RNLS: variants seen among roughly 807,000 people sequenced by gnomAD.
RNLS encodes the protein renalase.
A neutral mutation model predicts 39.8 loss-of-function variants in RNLS; 39 were observed. That is an observed-to-expected ratio of 0.98 (90% CI 0.76 to 1.28). The LOEUF is 1.28. Among genes scored for constraint, RNLS ranks in the 50% most tolerant of loss-of-function variants. The pLI is 0.00. For synonymous variants in RNLS, 147 were observed against 150.7 expected, an observed-to-expected ratio of 0.98 and a Z score of 0.18; for missense variants, 410 against 413.3, an observed-to-expected ratio of 0.99 and a Z score of 0.07.
chr10:88,478,836 C>CT (rs954550024), intron 4 of RNLS, among the ~76,000 whole-genome samples: 1 of 152,178 alleles, frequency 6.6e-6, no homozygotes, highest in Non-Finnish European at 1.5e-5. Context: ...ACTAATTTAC[C>CT]TTTTTTTCTT....
intron 4 of RNLS, among the ~76,000 whole-genome samples, chr10:88,409,421 A>G (rs1353707968): frequency 1.3e-5 from 2 of 152,144 alleles, no homozygotes; most frequent in Non-Finnish European, 2.9e-5. Flanking sequence ...GAGCTATCAC[A>G]TATATGAATC....
At chr10:88,368,017 T>C (rs1850258604) in intron 4 of RNLS, among the ~76,000 whole-genome samples, 1 of 152,108 alleles carries the variant, frequency 6.6e-6, no homozygotes, top group South Asian at 2.1e-4. Flanking sequence ...ACTTATTTTT[T>C]TCATTTATAG....
Position 88,499,574 on chromosome 10 carries a change from G to A in RNLS, c.526+73329C>T, listed in dbSNP as rs988602341. Among the ~76,000 whole-genome samples the A allele has an allele frequency of 2.6e-5, 4 of 152,208 alleles. No homozygotes were observed. The East Asian group carries it at 5.8e-4, about 22-fold the overall frequency. The stretch of plus-strand genomic sequence containing the variant: ...GCAGGGGTGGGGTGAGGCACAGGAT[G>A]CATTCTCCCCCTCTCACCTCCCCTG... On this transcript the variant is annotated intron_variant, in intron 4 of 6. Coordinates refer to ENST00000331772, the MANE Select transcript of RNLS (RefSeq NM_001031709.3).
intron 4 of RNLS, among the ~76,000 whole-genome samples, chr10:88,502,508 T>C (rs997262667): frequency 2.0e-5 from 3 of 152,148 alleles, no homozygotes; most frequent in Non-Finnish European, 4.4e-5. Flanking sequence ...CTTTCCACCT[T>C]GAGTGGAAGT....
rs139104603 is a variant in RNLS, at chr10:88,349,812, C to T, written c.700+12740G>A. 2.7e-3 allele frequency among the ~76,000 whole-genome samples: 408 copies of T among 151,934 alleles called. 2 individuals are homozygous for T. Among genetic ancestry groups the T allele is most frequent in the African/African-American group, 9.4e-3 (388 of 41,454 alleles). On this transcript the variant is annotated intron_variant, in intron 5 of 6. Coordinates refer to ENST00000331772, the MANE Select transcript of RNLS (RefSeq NM_001031709.3). The stretch of plus-strand genomic sequence containing the variant: ...CCACCCCAAGATCTGATATTACTAT[C>T]ACATGATATTCTATGACAACACTAA...
the RNLS span, among the ~76,000 whole-genome samples, chr10:88,268,427 C>G: frequency 2.0e-5 from 3 of 152,174 alleles, no homozygotes; most frequent in Non-Finnish European, 4.4e-5. Flanking sequence ...CAGACAATTC[C>G]CAATGATTAG....
At chr10:88,319,111 T>C (rs569640301) in intron 5 of RNLS, among the ~76,000 whole-genome samples, 15 of 152,122 alleles carry the variant, frequency 9.9e-5, no homozygotes, top group East Asian at 1.9e-4. Context: ...ATGTCAAATA[T>C]ATTGCTACAA....
the RNLS span, among the ~76,000 whole-genome samples, chr10:88,262,832 C>T: frequency 2.8e-4 from 43 of 152,200 alleles, no homozygotes; most frequent in African/African-American, 7.9e-4. Flanking sequence ...GTATGTGACT[C>T]GCGGGACATC....
chr10:88,327,119 T>A (rs1189219717), intron 5 of RNLS, among the ~76,000 whole-genome samples: 1 of 152,198 alleles, frequency 6.6e-6, no homozygotes, highest in African/African-American at 2.4e-5. Context: ...ACTTGCCTTT[T>A]CTCAGATGAA....
At chr10:88,173,079 C>T in the RNLS span, among the ~76,000 whole-genome samples, 5 of 151,608 alleles carry the variant, frequency 3.3e-5, no homozygotes, top group East Asian at 1.9e-4. Context: ...AGGGTGGTCT[C>T]GATCTCCTGA....
chr10:88,545,914 A>G (rs571155223), intron 4 of RNLS, among the ~76,000 whole-genome samples: 14 of 152,316 alleles, frequency 9.2e-5, no homozygotes, highest in African/African-American at 3.1e-4. Context: ...TATCAATAGC[A>G]CTAATGAATG....
chr10:88,428,919 T>A (rs1443787239), intron 4 of RNLS, among the ~76,000 whole-genome samples: 2 of 151,948 alleles, frequency 1.3e-5, no homozygotes, highest in Non-Finnish European at 2.9e-5. Context: ...GGGCAGTTGG[T>A]TGTGCATTTT....
the RNLS span, among the ~76,000 whole-genome samples, chr10:88,194,293 C>T: frequency 2.0e-5 from 3 of 152,128 alleles, no homozygotes; most frequent in African/African-American, 4.8e-5. Flanking sequence ...CCTCACTGTC[C>T]CCCCTCATGC....
At chr10:88,461,622 C>T (rs1842937335) in intron 4 of RNLS, among the ~76,000 whole-genome samples, 1 of 152,094 alleles carries the variant, frequency 6.6e-6, no homozygotes, top group African/African-American at 2.4e-5. Flanking sequence ...CAACCACATC[C>T]AGCTGTTGGT....
chr10:88,525,547 G>A (rs1314822858), intron 4 of RNLS, among the ~76,000 whole-genome samples: 1 of 152,052 alleles, frequency 6.6e-6, no homozygotes, highest in Non-Finnish European at 1.5e-5. Context: ...CCCTGCGTAT[G>A]TAGTAGTGCA....
At chr10:88,359,561 C>T (rs1162107244) in intron 5 of RNLS, among the ~76,000 whole-genome samples, 2 of 152,192 alleles carry the variant, frequency 1.3e-5, no homozygotes, top group East Asian at 1.9e-4. Context: ...ATTAATTTCC[C>T]ATACAGTTGT....
exon 7 of RNLS, chr10:88,274,431 A>G (rs1229159184): frequency 6.5e-6 from 1 of 152,792 alleles, no homozygotes; most frequent in Non-Finnish European, 1.5e-5. Context: ...TCCTCATATA[A>G]GTAGAATTAT....
intron 4 of RNLS, among the ~76,000 whole-genome samples, chr10:88,529,767 G>C (rs1293703425): frequency 6.6e-6 from 1 of 152,160 alleles, no homozygotes; most frequent in East Asian, 1.9e-4. Context: ...AACACTTACA[G>C]ATCATCACTC....
the RNLS span, among the ~76,000 whole-genome samples, chr10:88,220,186 C>G: frequency 1.3e-5 from 2 of 152,238 alleles, no homozygotes; most frequent in Non-Finnish European, 2.9e-5. Flanking sequence ...GCCAGTAGTT[C>G]ATATGAATGA....
Sources: allele counts gnomAD v4.1 joint callset (sites outside exome capture counted in the v4.1 genomes callset), GRCh38; gene constraint gnomAD v4.1.1; transcripts MANE v1.5; gene names NCBI Gene and HGNC (gene_info 2026-07-23, HGNC 2026-07-21).